The following CNTNAP2 variants were observed in gnomAD, a reference collection of about 807,000 sequenced individuals.
The protein encoded by CNTNAP2 is contactin associated protein 2.
Under a neutral mutation model 155.2 loss-of-function variants are expected in CNTNAP2, and 98 were observed. The ratio of observed to expected loss-of-function variants is 0.63; its 90% CI spans 0.54 to 0.75. CNTNAP2 has a LOEUF of 0.75. Ranked by LOEUF, CNTNAP2 falls within the 30% of genes least tolerant of loss-of-function variation. The pLI is 0.00. For synonymous variants in CNTNAP2, 651 were observed against 631.2 expected, an observed-to-expected ratio of 1.03 and a Z score of -0.47; for missense variants, 1,727 against 1,688.1, an observed-to-expected ratio of 1.02 and a Z score of -0.40.
In CNTNAP2 at chr7:147,825,795, C is replaced by A. The variant is rs374199537; in HGVS notation, c.2099-77770C>A. 7.0e-4 allele frequency among the ~76,000 whole-genome samples: 107 copies of A among 152,172 alleles called. 2 individuals are homozygous for A. The East Asian group carries it at 0.019, about 28-fold the overall frequency. On this transcript the variant is annotated intron_variant, in intron 13 of 23. Transcript: ENST00000361727. ...GAGTGGAGAGAGAGAAGTGCTCTGA[C>A]AGTTGGAGGGCAACAGAGATCTCTC...
chr7:146,394,061 T>C (rs1209093796), intron 1 of CNTNAP2, among the ~76,000 whole-genome samples: 1 of 152,266 alleles, frequency 6.6e-6, no homozygotes, highest in Non-Finnish European at 1.5e-5. Flanking sequence ...AAGGAGTTGA[T>C]AGATGTGTAT....
At chr7:148,391,867 C>G (rs1412204607) in intron 22 of CNTNAP2, among the ~76,000 whole-genome samples, 1 of 152,164 alleles carries the variant, frequency 6.6e-6, no homozygotes, top group Non-Finnish European at 1.5e-5. Context: ...GGAGCAACTC[C>G]AAACTGCACA....
chr7:147,792,994 A>G (rs1797841905), intron 13 of CNTNAP2, among the ~76,000 whole-genome samples: 1 of 152,060 alleles, frequency 6.6e-6, no homozygotes, highest in South Asian at 2.1e-4. Context: ...TGTTTATCTT[A>G]CTTGGAGCAA....
At chr7:148,009,328 T>A (rs534516430) in intron 15 of CNTNAP2, among the ~76,000 whole-genome samples, 1 of 152,200 alleles carries the variant, frequency 6.6e-6, no homozygotes, top group Non-Finnish European at 1.5e-5. Context: ...GTACAGGTAC[T>A]CAAAGTACAG....
chr7:147,915,856 A>G (rs147899248), intron 14 of CNTNAP2, among the ~76,000 whole-genome samples: 1 of 152,290 alleles, frequency 6.6e-6, no homozygotes, highest in African/African-American at 2.4e-5. Flanking sequence ...CAGTTTTCAA[A>G]AGGGTTACAC....
intron 1 of CNTNAP2, among the ~76,000 whole-genome samples, chr7:146,485,742 C>T (rs772141503): frequency 3.3e-5 from 5 of 151,994 alleles, no homozygotes; most frequent in African/African-American, 1.2e-4. Context: ...TCCTACCTCA[C>T]CCTCCTGCCA....
chr7:147,216,697 G>T (rs570066465), intron 8 of CNTNAP2, among the ~76,000 whole-genome samples: 1 of 152,086 alleles, frequency 6.6e-6, no homozygotes, highest in South Asian at 2.1e-4. Context: ...TCTAGAATCA[G>T]TTTGTCAATT....
At chr7:147,416,454 G>C (rs1039351765) in intron 10 of CNTNAP2, among the ~76,000 whole-genome samples, 8 of 152,112 alleles carry the variant, frequency 5.3e-5, no homozygotes, top group Admixed American at 1.3e-4. Context: ...TTGGGTTTTT[G>C]GTTTACAGCC....
chr7:147,928,156 C>T (rs1003729271), intron 14 of CNTNAP2, among the ~76,000 whole-genome samples: 4 of 152,094 alleles, frequency 2.6e-5, no homozygotes, highest in African/African-American at 4.8e-5. Context: ...CACCTTCCAC[C>T]GTGATTGTGA....
chr7:147,583,525 T>TAC (rs1563008309), intron 12 of CNTNAP2, among the ~76,000 whole-genome samples: 2 of 145,916 alleles, frequency 1.4e-5, no homozygotes, highest in African/African-American at 5.1e-5. Context: ...TATATATATA[T>TAC]ATATATAATG....
At chr7:147,127,779 T>TA (rs1015162919) in intron 6 of CNTNAP2, among the ~76,000 whole-genome samples, 21 of 151,830 alleles carry the variant, frequency 1.4e-4, no homozygotes, top group African/African-American at 2.4e-4. Context: ...AAGCTGATAG[T>TA]AAAAAAAATA....
chr7:147,501,674 T>A (rs1009474254), intron 11 of CNTNAP2, among the ~76,000 whole-genome samples: 5 of 152,236 alleles, frequency 3.3e-5, no homozygotes, highest in African/African-American at 1.2e-4. Context: ...ATGTAAGTGT[T>A]CTGAGCACAT....
At chr7:147,095,478 A>G (rs1800510976) in intron 4 of CNTNAP2, among the ~76,000 whole-genome samples, 2 of 151,682 alleles carry the variant, frequency 1.3e-5, no homozygotes, top group Non-Finnish European at 2.9e-5. Flanking sequence ...GGACACAAAC[A>G]TTCAGAACAT....
intron 8 of CNTNAP2, among the ~76,000 whole-genome samples, chr7:147,177,213 G>A (rs1802366789): frequency 1.3e-5 from 2 of 151,712 alleles, no homozygotes; most frequent in African/African-American, 4.8e-5. Context: ...ATATGGTTTG[G>A]CTCTGTGTCT....
chr7:146,773,662 G>A (rs1267591375), intron 1 of CNTNAP2, among the ~76,000 whole-genome samples: 1 of 152,178 alleles, frequency 6.6e-6, no homozygotes, highest in African/African-American at 2.4e-5. Flanking sequence ...CCAAAGTGCT[G>A]GGATTACAGG....
intron 3 of CNTNAP2, among the ~76,000 whole-genome samples, chr7:146,989,881 A>G (rs1353202132): frequency 6.6e-6 from 1 of 151,682 alleles, no homozygotes; most frequent in Non-Finnish European, 1.5e-5. Context: ...TGTCACCCCA[A>G]TCTTCCAAGC....
intron 1 of CNTNAP2, among the ~76,000 whole-genome samples, chr7:146,395,470 C>A (rs936230461): frequency 2.0e-5 from 3 of 151,848 alleles, no homozygotes; most frequent in African/African-American, 7.3e-5. Context: ...TTGTTGCATC[C>A]CTATTCAGGA....
intron 10 of CNTNAP2, among the ~76,000 whole-genome samples, chr7:147,441,311 T>TATCTCA (rs1797632493): frequency 1.3e-5 from 2 of 152,132 alleles, no homozygotes; most frequent in African/African-American, 2.4e-5. Context: ...ACTTTTTAAT[T>TATCTCA]ATCTCAATCT....
intron 1 of CNTNAP2, among the ~76,000 whole-genome samples, chr7:146,259,281 A>G (rs1563011860): frequency 6.6e-6 from 1 of 152,186 alleles, no homozygotes; most frequent in African/African-American, 2.4e-5. Context: ...GAGAATTGGT[A>G]CCGAGAGTGG....
Sources: gnomAD v4.1 joint callset for allele counts (sites outside exome capture counted in the v4.1 genomes callset) on GRCh38, gnomAD v4.1.1 for gene constraint, MANE v1.5 for transcripts, NCBI Gene and HGNC (gene_info 2026-07-23, HGNC 2026-07-21) for gene names.